ANKRD31: variants seen among roughly 807,000 people sequenced by gnomAD.
ANKRD31 encodes the protein ankyrin repeat domain-containing protein 31.
ANKRD31 carries 147 observed loss-of-function variants against 186.0 expected under a neutral mutation model. That is an observed-to-expected ratio of 0.79 (90% CI 0.69 to 0.91). ANKRD31 has a LOEUF of 0.91. Among genes scored for constraint, ANKRD31 ranks in the 40% least tolerant of loss-of-function variants. ANKRD31 has a pLI of 0.00. For synonymous variants in ANKRD31, 673 were observed against 736.4 expected, an observed-to-expected ratio of 0.91 and a Z score of 1.39; for missense variants, 1,986 against 2,148.8, an observed-to-expected ratio of 0.92 and a Z score of 1.50.
At chr5:75,105,936 C>G (rs1747298213) in intron 21 of ANKRD31, among the ~76,000 whole-genome samples, 1 of 152,256 alleles carries the variant, frequency 6.6e-6, no homozygotes, top group East Asian at 1.9e-4. Context: ...ATTATGCCCA[C>G]CAATCCCACC....
At chr5:75,087,036 A>G (rs139477612) in intron 23 of ANKRD31, among the ~76,000 whole-genome samples, 578 of 152,330 alleles carry the variant, frequency 3.8e-3, no homozygotes, top group African/African-American at 0.013. Flanking sequence ...CAGTATTGTC[A>G]TTATTAATTG....
chr5:75,173,088 C>A (rs1259715040), intron 10 of ANKRD31, among the ~76,000 whole-genome samples: 1 of 152,072 alleles, frequency 6.6e-6, no homozygotes, highest in East Asian at 1.9e-4. Flanking sequence ...TCAACATATG[C>A]AAATCAATAA....
At chr5:75,231,261 TA>T (rs1757937568) in intron 1 of ANKRD31, among the ~76,000 whole-genome samples, 1 of 150,942 alleles carries the variant, frequency 6.6e-6, no homozygotes, top group Non-Finnish European at 1.5e-5. Flanking sequence ...TTTTTTTTTT[TA>T]GAGCCAGGGT....
intron 10 of ANKRD31, among the ~76,000 whole-genome samples, chr5:75,176,443 G>C (rs1303443716): frequency 6.6e-6 from 1 of 152,172 alleles, no homozygotes; most frequent in Admixed American, 6.5e-5. Context: ...TCTTCAAGTG[G>C]GTCCCTGACC....
chr5:75,074,831 A>G (rs1444801352), intron 25 of ANKRD31, among the ~76,000 whole-genome samples: 1 of 152,232 alleles, frequency 6.6e-6, no homozygotes, highest in Non-Finnish European at 1.5e-5. Context: ...ATATAAGAGC[A>G]TTAAAATTAT....
intron 9 of ANKRD31, among the ~76,000 whole-genome samples, chr5:75,192,302 G>A (rs1755167473): frequency 6.6e-6 from 1 of 152,010 alleles, no homozygotes; most frequent in African/African-American, 2.4e-5. Context: ...GATGTTATAG[G>A]AACACAGAAA....
chr5:75,212,955 G>C (rs894853145), intron 3 of ANKRD31, among the ~76,000 whole-genome samples: 13 of 152,152 alleles, frequency 8.5e-5, no homozygotes, highest in Non-Finnish European at 1.9e-4. Context: ...GAATACAGGT[G>C]GGGGCTGGAG....
At chr5:75,143,764 C>A (rs1377212132) in intron 15 of ANKRD31, among the ~76,000 whole-genome samples, 1 of 152,122 alleles carries the variant, frequency 6.6e-6, no homozygotes, top group African/African-American at 2.4e-5. Flanking sequence ...TTTACCTTAT[C>A]TCCTCTAATA....
chr5:75,134,798 A>C (rs1017996636), intron 17 of ANKRD31, among the ~76,000 whole-genome samples: 17 of 152,216 alleles, frequency 1.1e-4, no homozygotes, highest in African/African-American at 3.6e-4. Flanking sequence ...ATCCAGTAGC[A>C]CATCAAAAAG....
Position 75,175,228 on chromosome 5 carries a change from G to A in ANKRD31, c.1565-6107C>T, listed in dbSNP as rs115783447. Among the ~76,000 whole-genome samples the A allele has an allele frequency of 4.7e-3, 718 of 152,204 alleles. 11 individuals are homozygous for A. The highest frequency in any genetic ancestry group is 0.016 in the African/African-American group (682 of 41,538). ...GGAACATCACACACTGAGGCCTGTC[G>A]GGTCGGGCAGTTGCCTGGGGGAGGG... On this transcript the variant is annotated intron_variant, in intron 10 of 25. Transcript: ENST00000506364.
At chr5:75,089,877 G>A (rs900404866) in intron 23 of ANKRD31, among the ~76,000 whole-genome samples, 2 of 152,210 alleles carry the variant, frequency 1.3e-5, no homozygotes, top group Admixed American at 6.5e-5. Flanking sequence ...ATATGTAAAT[G>A]AGGCATTAGT....
In ANKRD31 at chr5:75,138,898, T is replaced by G. The variant is rs1402294250; in HGVS notation, c.3681A>C (p.Leu1227=). Residue 1227 remains leucine (L), a synonymous_variant, in exon 16 of 26, where the codon CTA becomes CTC. Transcript: ENST00000506364. ...CTCCAGATTCTATCAGGGCTTTCAC[T>G]AGGGGCAGATTTCCTCTTCTGACAG... ...HLAVRRGNLP[L]VKALIESGAD... The G allele has an allele frequency of 2.6e-6, 4 of 1,536,764 alleles. No homozygotes were observed. The highest frequency in any genetic ancestry group is 1.4e-5 in the African/African-American group (1 of 73,022).
At chr5:75,096,719 T>C (rs1296899706) in intron 22 of ANKRD31, among the ~76,000 whole-genome samples, 2 of 152,142 alleles carry the variant, frequency 1.3e-5, no homozygotes, top group Non-Finnish European at 2.9e-5. Flanking sequence ...AACGTGCAGT[T>C]TCGTTACATA....
chr5:75,206,136 G>C (rs1294487666), intron 5 of ANKRD31, among the ~76,000 whole-genome samples: 1 of 145,324 alleles, frequency 6.9e-6, no homozygotes, highest in Admixed American at 7.0e-5. Flanking sequence ...CCAACTACTC[G>C]GGAGGCTAAG....
chr5:75,210,914 T>G lies in ANKRD31; in HGVS notation c.289-49A>C, dbSNP rs1312641402. 4 of 1,233,206 alleles carry G rather than the reference T, an allele frequency of 3.2e-6. No homozygotes were observed. In the African/African-American group the frequency reaches 4.7e-5, roughly 14 times the overall value. 76.4% of individuals were successfully genotyped at this position (1,233,206 alleles called of 1,614,324 possible). A position where few individuals can be genotyped will look rare whatever the true frequency, so the allele number is the denominator to read the frequency against. On this transcript the variant is annotated intron_variant, in intron 3 of 25. Coordinates refer to ENST00000506364, the MANE Select transcript of ANKRD31 (RefSeq NM_001372053.1). The stretch of plus-strand genomic sequence containing the variant: ...TTCCAACTGATAAGTGTTAATTCAA[T>G]GCAACAAGCTAAAAAAATTAACATT...
intron 17 of ANKRD31, among the ~76,000 whole-genome samples, chr5:75,133,631 C>G (rs1284492190): frequency 3.3e-5 from 5 of 152,100 alleles, no homozygotes; most frequent in African/African-American, 4.8e-5. Context: ...ACAAGGATAT[C>G]CAGGAATTGA....
chr5:75,221,666 A>AT (rs933463417), intron 3 of ANKRD31, among the ~76,000 whole-genome samples: 1 of 151,982 alleles, frequency 6.6e-6, no homozygotes, highest in East Asian at 1.9e-4. Context: ...TTATACATGA[A>AT]TTTTTTTCAA....
At chr5:75,199,413 G>A (rs1347087168) in intron 6 of ANKRD31, among the ~76,000 whole-genome samples, 3 of 152,180 alleles carry the variant, frequency 2.0e-5, no homozygotes, top group Non-Finnish European at 2.9e-5. Context: ...AGACTTAACA[G>A]TACTGGATAA....
Position 75,201,117 on chromosome 5 carries a change from G to C in ANKRD31, c.404-1443C>G, listed in dbSNP as rs968040301. On this transcript the variant is annotated intron_variant, in intron 5 of 25. Coordinates refer to ENST00000506364, the MANE Select transcript of ANKRD31 (RefSeq NM_001372053.1). ...TCATAAGCAAGACAGGTTTTTCAGG[G>C]GGAAAAAGAAGCATAAATATTCTTG... Among the ~76,000 whole-genome samples, 4 of 151,922 alleles carry C rather than the reference G, an allele frequency of 2.6e-5. No individual in the cohort carries two copies. In the East Asian group the frequency reaches 7.7e-4, roughly 29 times the overall value.
Sources: allele counts gnomAD v4.1 joint callset (sites outside exome capture counted in the v4.1 genomes callset), GRCh38; gene constraint gnomAD v4.1.1; transcripts MANE v1.5; gene names NCBI Gene and HGNC (gene_info 2026-07-23, HGNC 2026-07-21).